SPTLC3: variants seen among roughly 807,000 people sequenced by gnomAD.
SPTLC3 encodes serine palmitoyltransferase long chain base subunit 3.
In SPTLC3, 36 loss-of-function variants were observed where a neutral mutation model predicts 59.3. The observed-to-expected ratio is 0.61, with a 90% CI of 0.47 to 0.80. The LOEUF is 0.80. Ranked by LOEUF, SPTLC3 falls within the 30% of genes least tolerant of loss-of-function variation. The probability of loss-of-function intolerance (pLI) is 0.00; values close to 1 mark genes in which losing one functional copy is unlikely to be tolerated. For synonymous variants in SPTLC3, 257 were observed against 240.8 expected (o/e 1.07, Z -0.62); for missense variants, 625 against 685.1 (o/e 0.91, Z 0.98).
At chr20:13,116,601 C>G (rs1990565748) in intron 7 of SPTLC3, among the ~76,000 whole-genome samples, 1 of 152,148 alleles carries the variant, frequency 6.6e-6, no homozygotes, top group Admixed American at 6.5e-5. Context: ...TAGAGCATTT[C>G]TGTCTCTGCC....
chr20:13,126,977 A>G (rs1443728678), intron 9 of SPTLC3, among the ~76,000 whole-genome samples: 2 of 152,240 alleles, frequency 1.3e-5, no homozygotes, highest in African/African-American at 4.8e-5. Context: ...AATTAAGCAA[A>G]TATTGTTTGT....
chr20:13,100,041 A>G (rs984003296), intron 6 of SPTLC3, among the ~76,000 whole-genome samples: 4 of 152,196 alleles, frequency 2.6e-5, no homozygotes, highest in Non-Finnish European at 5.9e-5. Flanking sequence ...ACACCTTAAC[A>G]ATACTCTTCT....
intron 6 of SPTLC3, among the ~76,000 whole-genome samples, chr20:13,108,266 C>T (rs1017585281): frequency 3.3e-5 from 5 of 152,228 alleles, no homozygotes; most frequent in African/African-American, 1.2e-4. Flanking sequence ...AAAAGAAACA[C>T]ACACACACAA....
intron 7 of SPTLC3, among the ~76,000 whole-genome samples, chr20:13,112,302 C>T (rs1990276848): frequency 6.6e-6 from 1 of 152,174 alleles, no homozygotes; most frequent in Non-Finnish European, 1.5e-5. Flanking sequence ...ACCTGGAGTG[C>T]CATGCTCTCT....
intron 9 of SPTLC3, among the ~76,000 whole-genome samples, chr20:13,147,402 C>T (rs1191392542): frequency 7.2e-5 from 11 of 152,116 alleles, no homozygotes; most frequent in Non-Finnish European, 1.5e-4. Flanking sequence ...CTCTCTGCCC[C>T]TGAGTGTGTT....
chr20:13,074,894 G>T (rs944742430), intron 4 of SPTLC3, among the ~76,000 whole-genome samples: 2 of 152,130 alleles, frequency 1.3e-5, no homozygotes, highest in Admixed American at 6.5e-5. Flanking sequence ...AAGAGGGATT[G>T]GACTTGTGGA....
At chr20:13,027,323 T>C (rs143131616) in intron 1 of SPTLC3, among the ~76,000 whole-genome samples, 6 of 152,322 alleles carry the variant, frequency 3.9e-5, no homozygotes, top group Non-Finnish European at 8.8e-5. Flanking sequence ...GATCTCATTG[T>C]ACCCTCAGTC....
In SPTLC3 at chr20:13,113,822, A is replaced by T. The variant is rs116969441; in HGVS notation, c.932+3605A>T. Reference sequence around the variant, plus strand: ...GTTGCAACTCAGAAAACAATAAGTCATCTATGTTGCAAGGCTGTTTGCTCT... The same window carrying T: ...GTTGCAACTCAGAAAACAATAAGTCTTCTATGTTGCAAGGCTGTTTGCTCT... On this transcript the variant is annotated intron_variant, in intron 7 of 11. Coordinates refer to ENST00000399002, the MANE Select transcript of SPTLC3 (RefSeq NM_018327.4). Among the ~76,000 whole-genome samples, 1,507 of 152,352 alleles carry T rather than the reference A, an allele frequency of 9.9e-3. 12 individuals carry two copies. Among genetic ancestry groups the T allele is most frequent in the Non-Finnish European group, 0.014 (947 of 68,038 alleles).
At chr20:13,084,885 CA>C (rs1443104303) in intron 4 of SPTLC3, among the ~76,000 whole-genome samples, 1 of 152,038 alleles carries the variant, frequency 6.6e-6, no homozygotes, top group African/African-American at 2.4e-5. Flanking sequence ...AAATTGAGAC[CA>C]GGGGATGAGA....
chr20:13,026,543 G>A (rs141469789), intron 1 of SPTLC3, among the ~76,000 whole-genome samples: 110 of 152,080 alleles, frequency 7.2e-4, no homozygotes, highest in East Asian at 2.5e-3. Context: ...GTGTCTGTTC[G>A]TGTCCTCGGC....
intron 1 of SPTLC3, among the ~76,000 whole-genome samples, chr20:13,023,919 C>A (rs1404839076): frequency 6.6e-6 from 1 of 152,110 alleles, no homozygotes; most frequent in East Asian, 1.9e-4. Flanking sequence ...ACTAATCTCC[C>A]AAGGTGTGTA....
intron 9 of SPTLC3, among the ~76,000 whole-genome samples, chr20:13,139,502 C>T (rs1198301154): frequency 1.3e-5 from 2 of 152,188 alleles, no homozygotes; most frequent in African/African-American, 2.4e-5. Context: ...CTTCAATGTA[C>T]GGTTTCCAAA....
At chr20:13,100,575 C>T (rs1043342081) in intron 6 of SPTLC3, among the ~76,000 whole-genome samples, 69 of 151,868 alleles carry the variant, frequency 4.5e-4, no homozygotes, top group African/African-American at 1.6e-3. Context: ...TAAACAATAA[C>T]AACAACAACA....
At chr20:13,092,336 G>A (rs547041584) in intron 5 of SPTLC3, among the ~76,000 whole-genome samples, 1 of 152,208 alleles carries the variant, frequency 6.6e-6, no homozygotes, top group African/African-American at 2.4e-5. Context: ...AAGTTGGCTG[G>A]TTCATTGCAA....
At chr20:13,110,733 AG>A (rs1990185383) in intron 7 of SPTLC3, among the ~76,000 whole-genome samples, 1 of 152,164 alleles carries the variant, frequency 6.6e-6, no homozygotes, top group African/African-American at 2.4e-5. Context: ...TTCTTGTTCC[AG>A]AGCCAGCGGG....
intron 6 of SPTLC3, among the ~76,000 whole-genome samples, chr20:13,102,757 C>T (rs1007626982): frequency 5.9e-5 from 9 of 152,202 alleles, no homozygotes; most frequent in Non-Finnish European, 1.2e-4. Context: ...CATCTCAGTA[C>T]TTTGTCTCAT....
chr20:13,129,824 G>A (rs1048029971), intron 9 of SPTLC3, among the ~76,000 whole-genome samples: 2 of 152,284 alleles, frequency 1.3e-5, no homozygotes, highest in African/African-American at 2.4e-5. Context: ...TTCCCCTGAG[G>A]TAGTAGATAT....
chr20:13,125,797 C>A (rs2037975215), intron 8 of SPTLC3, among the ~76,000 whole-genome samples: 1 of 152,198 alleles, frequency 6.6e-6, no homozygotes, highest in Non-Finnish European at 1.5e-5. Context: ...CCAGAACCAC[C>A]ACACCATCAC....
At chr20:13,049,453 G>T in intron 2 of SPTLC3, 1 of 238,546 alleles carries the variant, frequency 4.2e-6, no homozygotes, top group African/African-American at 2.3e-5. Context: ...AAATATAAAA[G>T]CAAGTGCTCC....
Sources: gnomAD v4.1 joint callset for allele counts (sites outside exome capture counted in the v4.1 genomes callset) on GRCh38, gnomAD v4.1.1 for gene constraint, MANE v1.5 for transcripts, NCBI Gene and HGNC (gene_info 2026-07-23, HGNC 2026-07-21) for gene names.